Variants in EP300 observed in about 807,000 individuals in gnomAD.
EP300 encodes the protein EP300 lysine acetyltransferase, also known as histone acetyltransferase p300.
A neutral mutation model predicts 264.0 loss-of-function variants in EP300; 31 were observed. The observed-to-expected ratio is 0.12, with a 90% CI of 0.09 to 0.16. The LOEUF (loss-of-function observed/expected upper bound fraction) is 0.16. EP300 is among the 10% of genes least tolerant of loss of function. The probability of loss-of-function intolerance (pLI) is 1.00; values close to 1 mark genes in which losing one functional copy is unlikely to be tolerated. For missense variants in EP300, 2,766 were observed against 3,052.9 expected (o/e 0.91, Z 2.21); for synonymous variants, 1,340 against 1,045.4 (o/e 1.28, Z -5.44).
At chr22:41,170,652 A>AATTT in intron 27 of EP300, 81 bp downstream of exon 27, 1 of 915,302 alleles carries the variant, frequency 1.1e-6, no homozygotes, top group Non-Finnish European at 1.5e-6. Flanking sequence ...CTGTCATTTA[A>AATTT]CTTTTTTTTT....
intron 10 of EP300, among the ~76,000 whole-genome samples, chr22:41,141,665 C>CTTTTTTTTTTTTTTT (rs77123676): frequency 6.8e-6 from 1 of 146,120 alleles, no homozygotes; most frequent in Non-Finnish European, 1.5e-5. Context: ...TCTAGGAACT[C>CTTTTTTTTTTTTTTT]TTTTTTTTTT....
At chr22:41,094,776 A>T (rs952477818) in intron 1 of EP300, among the ~76,000 whole-genome samples, 1 of 152,102 alleles carries the variant, frequency 6.6e-6, no homozygotes, top group Non-Finnish European at 1.5e-5. Context: ...TCGATTTTAC[A>T]TTGGAGTTAG....
chr22:41,167,622 A>G (rs1469506584), intron 23 of EP300, among the ~76,000 whole-genome samples: 12 of 54,230 alleles, frequency 2.2e-4, no homozygotes, highest in Non-Finnish European at 4.4e-4. Context: ...ATATATATAT[A>G]TATATATATA....
At chr22:41,115,990 A>G (rs2058818833) in intron 1 of EP300, among the ~76,000 whole-genome samples, 1 of 152,154 alleles carries the variant, frequency 6.6e-6, no homozygotes, top group African/African-American at 2.4e-5. Context: ...AATATTTAAA[A>G]TGTTTTCTTT....
chr22:41,162,812 T>C, intron 21 of EP300, 33 bp downstream of exon 21: 4 of 1,585,034 alleles, frequency 2.5e-6, no homozygotes, highest in Non-Finnish European at 3.5e-6. Context: ...GTCAGTACGC[T>C]TTGGCTTTTC....
Position 41,117,547 on chromosome 22 carries a change from G to A in EP300, c.455G>A (p.Gly152Asp), listed in dbSNP as rs1485719131. 6.2e-7 allele frequency: 1 copy of A among 1,614,088 alleles called. No individual in the cohort carries two copies. Among genetic ancestry groups the A allele is most frequent in the Non-Finnish European group, 8.5e-7 (1 of 1,180,048 alleles). ...AATCAGGGTCCTACGCAGTCAACAG[G>A]TATGATGAACAGTCCAGTAAATCAG... ...GPNQGPTQST[G>D]MMNSPVNQPA... The change falls in exon 2 of 31, where the codon GGT becomes GAT. Residue 152 changes from glycine to aspartate, a missense_variant. Physicochemically the swap from Gly to Asp is moderately conservative, Grantham distance 94. Coordinates refer to ENST00000263253, the MANE Select transcript of EP300 (RefSeq NM_001429.4).
chr22:41,137,201 T>C (rs2058955995), intron 7 of EP300, among the ~76,000 whole-genome samples: 1 of 143,894 alleles, frequency 6.9e-6, no homozygotes, highest in Non-Finnish European at 1.5e-5. Flanking sequence ...TCTACTAAAA[T>C]ACAAAATTAG....
chr22:41,148,878 A>G, intron 12 of EP300, 160 bp from the exon 13 acceptor site: 1 of 875,030 alleles, frequency 1.1e-6, no homozygotes, highest in Non-Finnish European at 1.8e-6. Context: ...GTTGTTCTAC[A>G]ACTTTCTTCC....
At chr22:41,171,585 C>A (rs1268327504) in intron 27 of EP300, among the ~76,000 whole-genome samples, 9 of 152,020 alleles carry the variant, frequency 5.9e-5, no homozygotes, top group Non-Finnish European at 4.4e-5. Flanking sequence ...GATCTGCCCA[C>A]CTCAGCCTCC....
chr22:41,114,171 A>AT (rs772644088), intron 1 of EP300, among the ~76,000 whole-genome samples: 1 of 150,766 alleles, frequency 6.6e-6, no homozygotes, highest in Non-Finnish European at 1.5e-5. Context: ...ACATTTGGGT[A>AT]TTTGTTGTTG....
rs1445875977 is a variant in EP300, at chr22:41,168,713, T to C, written c.4026-8T>C. 1.2e-6 allele frequency: 2 copies of C among 1,614,112 alleles called. No individual in the cohort carries two copies. Among genetic ancestry groups the C allele is most frequent in the African/African-American group, 2.7e-5 (2 of 74,940 alleles). The stretch of plus-strand genomic sequence containing the variant: ...TGTTGTGGTTCCCCCACCATCTCAA[T>C]TGTATAGGTTTGTGGACAGTGGAGA... On this transcript the variant is annotated splice_polypyrimidine_tract_variant and splice_region_variant and intron_variant, in intron 24 of 30. Transcript: ENST00000263253.
intron 1 of EP300, 152 bp downstream of exon 1, chr22:41,093,250 C>T (rs1315791449): frequency 5.3e-6 from 4 of 760,090 alleles, no homozygotes; most frequent in Non-Finnish European, 8.6e-6. Flanking sequence ...TCGAAGACGT[C>T]CAGTAGCCCA....
intron 1 of EP300, among the ~76,000 whole-genome samples, chr22:41,103,391 T>C (rs2058742125): frequency 6.6e-6 from 1 of 152,206 alleles, no homozygotes; most frequent in African/African-American, 2.4e-5. Context: ...CCTTCTGCTG[T>C]CAGAGACTTC....
rs1340956941 is a variant in EP300 at position 41,093,063 on chromosome 22, C to T, written c.59C>T (p.Ser20Phe). 1.2e-6 allele frequency: 2 copies of T among 1,614,150 alleles called. No homozygotes were observed. Among genetic ancestry groups the T allele is most frequent in the Admixed American group, 1.7e-5 (1 of 60,028 alleles). The change falls in exon 1 of 31, where the codon TCT becomes TTT. Residue 20 changes from serine to phenylalanine, a missense_variant. Ser to Phe is a radical substitution (Grantham distance 155). Coordinates refer to ENST00000263253, the MANE Select transcript of EP300 (RefSeq NM_001429.4). ...PPSAKRPKLSSPALSASASDG... is the reference protein window; with the variant it reads ...PPSAKRPKLSFPALSASASDG... ...TCAGCCAAGCGGCCTAAACTCTCAT[C>T]TCCGGCCCTCTCGGCGTCCGCCAGC...
chr22:41,169,183 A>T, intron 25 of EP300: 1 of 546,302 alleles, frequency 1.8e-6, no homozygotes, highest in South Asian at 2.1e-5. Flanking sequence ...AAAATATATC[A>T]TACAAATCGG....
At chr22:41,176,573 T>G (rs780087937) in intron 30 of EP300, 45 bp downstream of exon 30, 10 of 1,612,150 alleles carry the variant, frequency 6.2e-6, no homozygotes, top group Middle Eastern at 1.9e-4. Flanking sequence ...TCCGCAGGGT[T>G]GTTCTGAGGG....
rs2058802817 is a variant in EP300 at position 41,113,157 on chromosome 22, A to AACCCCCCCCC, written c.95-4030_95-4029insACCCCCCCCC. Among the ~76,000 whole-genome samples, 3 of 92,914 alleles carry AACCCCCCCCC rather than the reference A, an allele frequency of 3.2e-5. 1 individual carries two copies. The highest frequency in any genetic ancestry group is 8.7e-5 in the African/African-American group (2 of 22,966). 61.0% of individuals were successfully genotyped at this position (92,914 alleles called of 152,430 possible). ...GTTGGCTTGTTTGAATCAGGATTCC[A>AACCCCCCCCC]CCCCCCCCCCAACTTATGCTATGGA... On this transcript the variant is annotated intron_variant, in intron 1 of 30. Transcript: ENST00000263253.
intron 2 of EP300, among the ~76,000 whole-genome samples, chr22:41,123,336 T>C (rs1033684701): frequency 1.3e-5 from 2 of 152,178 alleles, no homozygotes; most frequent in Admixed American, 6.5e-5. Context: ...TTTCAGACTT[T>C]AAGAAATCAG....
At chr22:41,136,414 G>A (rs1257540683) in intron 7 of EP300, among the ~76,000 whole-genome samples, 7 of 152,194 alleles carry the variant, frequency 4.6e-5, no homozygotes. Flanking sequence ...ATGTTGCAAG[G>A]TTACAGCTCC....
Sources: allele counts gnomAD v4.1 joint callset (sites outside exome capture counted in the v4.1 genomes callset), GRCh38; gene constraint gnomAD v4.1.1; transcripts MANE v1.5; gene names NCBI Gene and HGNC (gene_info 2026-07-23, HGNC 2026-07-21).